The following OSBP2 variants were observed in gnomAD, a reference collection of about 807,000 sequenced individuals.
OSBP2 encodes oxysterol binding protein 2, also known as oxysterol-binding protein 2.
OSBP2 carries 66 observed loss-of-function variants against 96.0 expected under a neutral mutation model. The ratio of observed to expected loss-of-function variants is 0.69; its 90% CI spans 0.56 to 0.84. The LOEUF is 0.84. Ranked by LOEUF, OSBP2 falls within the 40% of genes least tolerant of loss-of-function variation. The probability of loss-of-function intolerance (pLI) is 0.00; values close to 1 mark genes in which losing one functional copy is unlikely to be tolerated. For synonymous variants in OSBP2, 525 were observed against 520.9 expected (o/e 1.01, Z -0.11); for missense variants, 1,038 against 1,222.7 (o/e 0.85, Z 2.25).
intron 2 of OSBP2, among the ~76,000 whole-genome samples, chr22:30,863,442 C>A (rs1307168315): frequency 6.6e-6 from 1 of 152,172 alleles, no homozygotes; most frequent in East Asian, 1.9e-4. Context: ...CTCCTCAGAG[C>A]CCCCACGTGG....
chr22:30,788,507 A>G (rs904041821), intron 2 of OSBP2, among the ~76,000 whole-genome samples: 1 of 152,162 alleles, frequency 6.6e-6, no homozygotes, highest in Non-Finnish European at 1.5e-5. Flanking sequence ...ATATGATTTA[A>G]TCTGACAGAT....
chr22:30,872,284 G>T (rs774406177), intron 3 of OSBP2: 2 of 456,518 alleles, frequency 4.4e-6, no homozygotes, highest in African/African-American at 4.0e-5. Flanking sequence ...ATAATAATGC[G>T]TTTGTATTTC....
chr22:30,755,597 G>A (rs1467708313), intron 2 of OSBP2, among the ~76,000 whole-genome samples: 2 of 152,134 alleles, frequency 1.3e-5, no homozygotes, highest in African/African-American at 4.8e-5. Flanking sequence ...TCTGGTGGCT[G>A]GATTGAGGCC....
chr22:30,710,898 A>G (rs2089335530), intron 1 of OSBP2, among the ~76,000 whole-genome samples: 1 of 151,882 alleles, frequency 6.6e-6, no homozygotes, highest in East Asian at 1.9e-4. Context: ...GGCGCCTGCC[A>G]CCACGCCCGG....
At chr22:30,856,908 G>A (rs2147074949) in intron 2 of OSBP2, among the ~76,000 whole-genome samples, 1 of 152,248 alleles carries the variant, frequency 6.6e-6, no homozygotes, top group East Asian at 1.9e-4. Flanking sequence ...CCCAAGCAAG[G>A]GGCTGTCAGG....
At chr22:30,739,956 C>T (rs1191778766) in intron 1 of OSBP2, among the ~76,000 whole-genome samples, 2 of 152,154 alleles carry the variant, frequency 1.3e-5, no homozygotes, top group Non-Finnish European at 2.9e-5. Context: ...AGCAATTCTC[C>T]TGCCTCAGCC....
At chr22:30,854,615 G>T (rs1602361503) in intron 2 of OSBP2, among the ~76,000 whole-genome samples, 4 of 143,922 alleles carry the variant, frequency 2.8e-5, no homozygotes, top group African/African-American at 5.2e-5. Context: ...GCCCTATATG[G>T]TTATCTTTAA....
At chr22:30,837,117 C>A (rs1465920245) in intron 2 of OSBP2, among the ~76,000 whole-genome samples, 2 of 151,998 alleles carry the variant, frequency 1.3e-5, no homozygotes, top group African/African-American at 4.8e-5. Flanking sequence ...CAAAAATTAG[C>A]CAGGTGTAGT....
intron 12 of OSBP2, among the ~76,000 whole-genome samples, chr22:30,896,980 C>A (rs1011307708): frequency 1.2e-4 from 19 of 152,148 alleles, no homozygotes; most frequent in African/African-American, 4.6e-4. Context: ...GATACCCAGA[C>A]CTTCTAAGAG....
intron 1 of OSBP2, 128 bp downstream of exon 1, chr22:30,695,681 C>T (rs2089017259): frequency 9.5e-6 from 14 of 1,471,988 alleles, no homozygotes; most frequent in South Asian, 8.1e-5. Context: ...TGCATTCCAG[C>T]AGGCCAAGTC....
chr22:30,737,931 C>T (rs950444159), intron 1 of OSBP2, among the ~76,000 whole-genome samples: 2 of 152,054 alleles, frequency 1.3e-5, no homozygotes, highest in Admixed American at 6.6e-5. Flanking sequence ...CCAGGCTGGT[C>T]TCAAACTCCT....
chr22:30,811,070 A>G (rs2090999093), intron 2 of OSBP2, among the ~76,000 whole-genome samples: 1 of 150,882 alleles, frequency 6.6e-6, no homozygotes, highest in Admixed American at 6.6e-5. Context: ...TCCCCATCTC[A>G]CTCATCTCCC....
chr22:30,816,069 G>A (rs2091080297), intron 2 of OSBP2, among the ~76,000 whole-genome samples: 1 of 152,028 alleles, frequency 6.6e-6, no homozygotes, highest in Admixed American at 6.6e-5. Flanking sequence ...GCCAACAAGT[G>A]AACATGTCAG....
At chr22:30,853,304 G>A (rs1044837075) in intron 2 of OSBP2, among the ~76,000 whole-genome samples, 3 of 152,128 alleles carry the variant, frequency 2.0e-5, no homozygotes, top group Non-Finnish European at 4.4e-5. Flanking sequence ...CGAGGCACGT[G>A]CACATCCAGG....
In OSBP2 at chr22:30,818,628, A is replaced by G. The variant is rs561481026; in HGVS notation, c.854-51801A>G. 8.5e-5 allele frequency among the ~76,000 whole-genome samples: 13 copies of G among 152,306 alleles called. 1 individual carries two copies. Among genetic ancestry groups the G allele is most frequent in the African/African-American group, 3.1e-4 (13 of 41,568 alleles). ...CAGCACTGGGATGAATAACAGATAC[A>G]CACAACCACATCAATATGAATATTA... On this transcript the variant is annotated intron_variant, in intron 2 of 13. Transcript: ENST00000332585.
rs1243588000 is a variant in OSBP2 at position 30,890,838 on chromosome 22, C to T, written c.1734C>T (p.Cys578=). The T allele has an allele frequency of 1.2e-6, 2 of 1,613,818 alleles. No homozygotes were observed. Among genetic ancestry groups the T allele is most frequent in the Middle Eastern group, 1.6e-4 (1 of 6,062 alleles). ...VHCTSSVEQM[C]LVAAFSVSSY... ...GCACCAGCTCAGTGGAGCAGATGTG[C>T]CTGGTGGCCGCCTTCTCTGTGTCCT... The change falls in exon 8 of 14, where the codon TGC becomes TGT. Residue 578 remains cysteine, a synonymous_variant. Coordinates refer to ENST00000332585, the MANE Select transcript of OSBP2 (RefSeq NM_030758.4). This position sits in a 1 kb window ranked among gnomAD's most constrained non-coding sequence, Gnocchi z 4.4.
At chr22:30,835,169 A>AT (rs535760163) in intron 2 of OSBP2, among the ~76,000 whole-genome samples, 131 of 151,518 alleles carry the variant, frequency 8.6e-4, no homozygotes, top group Middle Eastern at 6.8e-3. Flanking sequence ...TAATTTATCT[A>AT]TTTTTTTTGT....
chr22:30,805,020 A>C (rs750766660), intron 2 of OSBP2, among the ~76,000 whole-genome samples: 15 of 152,212 alleles, frequency 9.9e-5, no homozygotes, highest in African/African-American at 2.2e-4. Context: ...ATCTATCTAT[A>C]TATATTTTAA....
At chr22:30,730,774 CTATATATATATATATATATATA>C (rs1206537838) in intron 1 of OSBP2, among the ~76,000 whole-genome samples, 1 of 13,836 alleles carries the variant, frequency 7.2e-5, no homozygotes, top group Non-Finnish European at 1.4e-4. Context: ...CTCTCTCTCT[CTATATATATATATATATATATA>C]TATATATATA....
Sources: allele counts gnomAD v4.1 joint callset (sites outside exome capture counted in the v4.1 genomes callset), GRCh38; gene constraint gnomAD v4.1.1; non-coding constraint Gnocchi (gnomAD v3.1); transcripts MANE v1.5; gene names NCBI Gene and HGNC (gene_info 2026-07-23, HGNC 2026-07-21).